KLRG1: variants seen among roughly 807,000 people sequenced by gnomAD.
KLRG1 encodes killer cell lectin-like receptor subfamily G member 1.
A neutral mutation model predicts 21.8 loss-of-function variants in KLRG1; 16 were observed. The observed-to-expected ratio is 0.73, with a 90% CI of 0.50 to 1.11. KLRG1 has a LOEUF of 1.11. Ranked by LOEUF, KLRG1 falls within the 50% of genes most tolerant of loss-of-function variation. The pLI is 0.00. For missense variants in KLRG1, 173 were observed against 218.3 expected, an observed-to-expected ratio of 0.79 and a Z score of 1.31; for synonymous variants, 69 against 75.9, an observed-to-expected ratio of 0.91 and a Z score of 0.47.
the KLRG1 span, among the ~76,000 whole-genome samples, chr12:9,187,092 A>AAG: frequency 6.6e-6 from 1 of 151,756 alleles, no homozygotes; most frequent in East Asian, 1.9e-4. Context: ...AAAAAAAAAA[A>AAG]AGACAAGAGA....
intron 1 of KLRG1, among the ~76,000 whole-genome samples, chr12:8,978,793 C>T (rs1206869649): frequency 1.5e-5 from 2 of 129,994 alleles, no homozygotes; most frequent in African/African-American, 5.6e-5. Flanking sequence ...TGCCTCACTG[C>T]AACCTCTGCC....
At chr12:9,042,197 A>G in the KLRG1 span, among the ~76,000 whole-genome samples, 1 of 152,264 alleles carries the variant, frequency 6.6e-6, no homozygotes, top group African/African-American at 2.4e-5. Flanking sequence ...GTGATAAGGT[A>G]AAGATGGAGA....
At chr12:9,056,764 G>C in the KLRG1 span, among the ~76,000 whole-genome samples, 605 of 152,166 alleles carry the variant, frequency 4.0e-3, 6 homozygotes, top group African/African-American at 0.014. Flanking sequence ...AGTTGCCCAG[G>C]CTGGTCTCAA....
At chr12:9,153,077 T>C in the KLRG1 span, 12 of 1,607,580 alleles carry the variant, frequency 7.5e-6, no homozygotes, top group African/African-American at 2.7e-5. Flanking sequence ...TCCATTTCAA[T>C]TGGCAAGTTT....
chr12:9,097,747 C>G, the KLRG1 span, among the ~76,000 whole-genome samples: 82 of 151,558 alleles, frequency 5.4e-4, no homozygotes, highest in African/African-American at 1.9e-3. Context: ...ATTCTCCTGC[C>G]TCAGCCTCCT....
the KLRG1 span, among the ~76,000 whole-genome samples, chr12:9,190,777 G>A: frequency 7.5e-4 from 114 of 152,112 alleles, no homozygotes; most frequent in Middle Eastern, 3.4e-3. Flanking sequence ...AATTAAATAG[G>A]CAAATAATTT....
chr12:9,093,532 C>T, the KLRG1 span: 1 of 1,613,032 alleles, frequency 6.2e-7, no homozygotes, highest in Non-Finnish European at 8.5e-7. Flanking sequence ...GTGTGAGGCT[C>T]TTCAACATGC....
At chr12:9,080,332 A>T in the KLRG1 span, 3 of 413,294 alleles carry the variant, frequency 7.3e-6, no homozygotes, top group Admixed American at 4.2e-5. Flanking sequence ...TAAATATCTT[A>T]AAAATGGGCT....
chr12:9,008,819 T>C (rs1947554086), intron 3 of KLRG1, among the ~76,000 whole-genome samples, 156 bp from the exon 4 acceptor site: 1 of 152,176 alleles, frequency 6.6e-6, no homozygotes, highest in South Asian at 2.1e-4. Flanking sequence ...TTAGGACGCA[T>C]TCAGTCCTTA....
At chr12:9,019,162 A>T in the KLRG1 span, among the ~76,000 whole-genome samples, 1 of 152,254 alleles carries the variant, frequency 6.6e-6, no homozygotes, top group Non-Finnish European at 1.5e-5. Context: ...GCAAACAGGT[A>T]TATGAAAAGG....
At chr12:9,187,456 G>A in the KLRG1 span, among the ~76,000 whole-genome samples, 19 of 152,086 alleles carry the variant, frequency 1.2e-4, no homozygotes, top group Admixed American at 1.1e-3. Flanking sequence ...AGCAAATTTA[G>A]AAAAATGAAA....
At chr12:9,153,828 T>A in the KLRG1 span, among the ~76,000 whole-genome samples, 1 of 152,126 alleles carries the variant, frequency 6.6e-6, no homozygotes, top group Non-Finnish European at 1.5e-5. Flanking sequence ...AGATCCTAAC[T>A]GTTGAAAGAA....
At chr12:9,077,607 G>C in the KLRG1 span, 1 of 1,550,430 alleles carries the variant, frequency 6.4e-7, no homozygotes, top group Non-Finnish European at 8.7e-7. Context: ...TTCCTCTGAG[G>C]CTTTCCCTTA....
the KLRG1 span, chr12:9,151,662 G>C: frequency 3.1e-6 from 5 of 1,613,716 alleles, no homozygotes; most frequent in African/African-American, 6.7e-5. Context: ...CACAGAGCTA[G>C]ATCTTTCAAG....
the KLRG1 span, among the ~76,000 whole-genome samples, chr12:9,031,828 A>G: frequency 1.3e-5 from 2 of 152,230 alleles, no homozygotes; most frequent in African/African-American, 4.8e-5. Flanking sequence ...TCTGGCTGAC[A>G]ATTGGTTGAG....
At chr12:9,000,669 T>C (rs1050060903) in intron 3 of KLRG1, among the ~76,000 whole-genome samples, 3 of 152,240 alleles carry the variant, frequency 2.0e-5, no homozygotes, top group Non-Finnish European at 4.4e-5. Flanking sequence ...AACACTGTTT[T>C]CAAGGTTCTT....
At chr12:9,026,257 A>G in the KLRG1 span, among the ~76,000 whole-genome samples, 1 of 152,206 alleles carries the variant, frequency 6.6e-6, no homozygotes, top group Non-Finnish European at 1.5e-5. Context: ...ATAGGAAAAG[A>G]TTTGGGAATA....
the KLRG1 span, among the ~76,000 whole-genome samples, chr12:9,173,668 C>T: frequency 3.3e-5 from 5 of 152,132 alleles, no homozygotes; most frequent in East Asian, 1.9e-4. Flanking sequence ...CTCACAGAAA[C>T]GCAAACAACC....
chr12:9,093,089 G>A, the KLRG1 span, among the ~76,000 whole-genome samples: 1 of 152,160 alleles, frequency 6.6e-6, no homozygotes, highest in Non-Finnish European at 1.5e-5. Flanking sequence ...GGTGGTTGGG[G>A]TTGCAGGGAT....
Sources: allele counts gnomAD v4.1 joint callset (sites outside exome capture counted in the v4.1 genomes callset), GRCh38; gene constraint gnomAD v4.1.1; transcripts MANE v1.5; gene names NCBI Gene and HGNC (gene_info 2026-07-23, HGNC 2026-07-21).